The following ASAH1 variants were observed in gnomAD, a reference collection of about 807,000 sequenced individuals.
The protein encoded by ASAH1 is N-acylsphingosine amidohydrolase 1.
In ASAH1, 70 loss-of-function variants were observed where a neutral mutation model predicts 59.5. The observed-to-expected ratio is 1.18, with a 90% CI of 0.97 to 1.43. The LOEUF is 1.43. ASAH1 is among the 40% of genes most tolerant of loss of function. The pLI is 0.00. For synonymous variants in ASAH1, 213 were observed against 166.5 expected (o/e 1.28, Z -2.15); for missense variants, 660 against 482.5 (o/e 1.37, Z -3.45).
Position 18,058,991 on chromosome 8 carries a change from C to T in ASAH1, c.1042-100G>A, listed in dbSNP as rs1045612609. On this transcript the variant is annotated intron_variant, in intron 12 of 13. Coordinates refer to ENST00000637790, the MANE Select transcript of ASAH1 (RefSeq NM_177924.5). ...ACCAGAAACCAAGACATTCTTTAAT[C>T]AACCTCCCCTCCATCCCCGCAGTGG... 10 of 1,071,170 alleles carry T rather than the reference C, an allele frequency of 9.3e-6. No individual in the cohort carries two copies. The African/African-American group carries it at 1.4e-4, about 15-fold the overall frequency. The allele number at this position is 1,071,170 out of a possible 1,614,324, so 66.4% of individuals were successfully genotyped here.
chr8:18,069,238 G>A (rs763255126), intron 4 of ASAH1, among the ~76,000 whole-genome samples: 4 of 152,018 alleles, frequency 2.6e-5, no homozygotes, highest in Non-Finnish European at 4.4e-5. Flanking sequence ...CAGTTCTAGG[G>A]GCCAGGCCCT....
upstream of ASAH1, chr8:18,084,118 G>A: frequency 6.3e-7 from 1 of 1,586,774 alleles, no homozygotes; most frequent in Non-Finnish European, 8.5e-7. Flanking sequence ...AGCCGGCTGG[G>A]CCGGGGGCAG....
intron 7 of ASAH1, chr8:18,062,636 G>A: frequency 3.5e-6 from 2 of 574,740 alleles, no homozygotes; most frequent in East Asian, 3.1e-5. Flanking sequence ...ATATCACACA[G>A]CTTATAAATA....
chr8:18,078,400 C>T (rs561656105), intron 1 of ASAH1, among the ~76,000 whole-genome samples: 6 of 152,178 alleles, frequency 3.9e-5, no homozygotes, highest in Middle Eastern at 3.4e-3. Flanking sequence ...AATAAACAAA[C>T]GTGAAATTGG....
chr8:18,081,937 A>T lies in ASAH1; in HGVS notation c.78+2044T>A, dbSNP rs937745451. Among the ~76,000 whole-genome samples the T allele has an allele frequency of 1.3e-4, 20 of 152,318 alleles. No individual in the cohort carries two copies. The East Asian group carries it at 3.9e-3, about 29-fold the overall frequency. The stretch of plus-strand genomic sequence containing the variant: ...AAAATTAATGAGGCCTTGGCACAGG[A>T]GGGTCCAAATTTTTATTCTGCCAAA... On this transcript the variant is annotated intron_variant, in intron 1 of 13. Coordinates refer to ENST00000637790, the MANE Select transcript of ASAH1 (RefSeq NM_177924.5).
At chr8:18,068,926 C>G (rs1216672004) in intron 4 of ASAH1, among the ~76,000 whole-genome samples, 2 of 152,082 alleles carry the variant, frequency 1.3e-5, no homozygotes, top group Non-Finnish European at 2.9e-5. Context: ...ATCGCCTGAG[C>G]CCAGGAGTTG....
upstream of ASAH1, chr8:18,084,567 G>C: frequency 6.5e-7 from 1 of 1,544,062 alleles, no homozygotes; most frequent in African/African-American, 1.4e-5. Context: ...CCCGAAATGA[G>C]TTGAGTTATT....
chr8:18,066,912 G>C (rs948001713), intron 5 of ASAH1: 2 of 356,402 alleles, frequency 5.6e-6, no homozygotes, highest in African/African-American at 4.1e-5. Flanking sequence ...TTTATACAAA[G>C]TTCACGAAGA....
At chr8:18,082,976 T>C (rs1800719115) in intron 1 of ASAH1, 1 of 152,352 alleles carries the variant, frequency 6.6e-6, no homozygotes. Flanking sequence ...AAAAACTGTA[T>C]ATACTATTCT....
intron 1 of ASAH1, among the ~76,000 whole-genome samples, chr8:18,078,415 G>C (rs1300733744): frequency 1.3e-5 from 2 of 152,180 alleles, no homozygotes; most frequent in Non-Finnish European, 2.9e-5. Context: ...AATTGGCATA[G>C]AACCTGGCTG....
Position 18,074,492 on chromosome 8 carries a change from G to A in ASAH1, c.125+1049C>T, listed in dbSNP as rs1029534563. ...ACGTAAGTAATTTGGAATGTTGCAC[G>A]AACTGAAAATGTCATCTTGATATCA... On this transcript the variant is annotated intron_variant, in intron 2 of 13. Transcript: ENST00000637790. 3.9e-5 allele frequency among the ~76,000 whole-genome samples: 6 copies of A among 152,244 alleles called. No individual in the cohort carries two copies. The East Asian group carries it at 1.2e-3, about 29-fold the overall frequency.
chr8:18,083,418 G>A (rs1800744368), intron 1 of ASAH1: 1 of 156,194 alleles, frequency 6.4e-6, no homozygotes, highest in Non-Finnish European at 1.4e-5. Context: ...TGACTTGCTC[G>A]TGGGAAAGAG....
chr8:18,084,757 G>C (rs752360888), upstream of ASAH1: 3 of 1,613,766 alleles, frequency 1.9e-6, no homozygotes. Flanking sequence ...AGGAGGCCCG[G>C]TGGGACCCGC....
At position 18,059,393 on chromosome 8, in the gene ASAH1, AG is replaced by A; in HGVS notation, c.988del (p.Asp331MetfsTer11). On this transcript the variant is annotated frameshift_variant, in exon 12 of 14. Transcript: ENST00000637790. LOFTEE classifies it high-confidence loss of function. Reference protein sequence around the residue: ...NYDRWKHPFFLDDRRTPAKMC... With the variant: ...NYDRWKHPFFXDDRRTPAKMC... The stretch of plus-strand genomic sequence containing the variant: ...CTTTGCAGGCGTTCTGCGATCATCA[AG>A]GAAGAAGGGATGTTTCCAACGGTCA... 6.2e-7 allele frequency: 1 copy of A among 1,614,226 alleles called. No individual in the cohort carries two copies. The highest frequency in any genetic ancestry group is 1.1e-5 in the South Asian group (1 of 91,082).
chr8:18,059,365 C>A lies in ASAH1; in HGVS notation c.1017G>T (p.Met339Ile). The change falls in exon 12 of 14, where the codon ATG (methionine) becomes ATT (isoleucine). Residue 339 changes from methionine (M) to isoleucine (I), a missense_variant. Transcript: ENST00000637790. ...CCTCTTGGCTGGTGCGGTTCAGACA[C>A]ATCTTTGCAGGCGTTCTGCGATCAT... ...FLDDRRTPAK[M>I]CLNRTSQENI... 6.2e-7 allele frequency: 1 copy of A among 1,614,220 alleles called. No homozygotes were observed. The highest frequency in any genetic ancestry group is 8.5e-7 in the Non-Finnish European group (1 of 1,180,040).
chr8:18,061,902 T>C (rs1227875688), intron 8 of ASAH1, 162 bp from the exon 9 acceptor site: 4 of 750,452 alleles, frequency 5.3e-6, no homozygotes, highest in Middle Eastern at 4.7e-4. Context: ...GTTCAAAGCA[T>C]TTTTGATTCT....
chr8:18,062,268 A>G lies in ASAH1; in HGVS notation c.648+11T>C, dbSNP rs1462200971. The G allele has an allele frequency of 2.5e-6, 4 of 1,614,174 alleles. No homozygotes were observed. The highest frequency in any genetic ancestry group is 8.5e-7 in the Non-Finnish European group (1 of 1,180,016). On this transcript the variant is annotated intron_variant, in intron 8 of 13. Transcript: ENST00000637790. ...GCTACCTGTATAATTATGTAACAAC[A>G]GACTCCTTACTGGTTTGAATCCTGT... is the stretch of plus-strand genomic sequence containing the variant.
At chr8:18,067,099 GTGCACCTGTGC>G in intron 5 of ASAH1, 110 bp downstream of exon 5, 3 of 113,664 alleles carry the variant, frequency 2.6e-5, no homozygotes, top group Non-Finnish European at 9.4e-5. Flanking sequence ...TCTAAGACCT[GTGCACCTGTGC>G]TGTATATCTA....
chr8:18,068,934 T>C (rs1800044556), intron 4 of ASAH1, among the ~76,000 whole-genome samples: 1 of 151,220 alleles, frequency 6.6e-6, no homozygotes, highest in Non-Finnish European at 1.5e-5. Flanking sequence ...AGCCCAGGAG[T>C]TGGGAGACCA....
Sources: gnomAD v4.1 joint callset for allele counts (sites outside exome capture counted in the v4.1 genomes callset) on GRCh38, gnomAD v4.1.1 for gene constraint, MANE v1.5 for transcripts, NCBI Gene and HGNC (gene_info 2026-07-23, HGNC 2026-07-21) for gene names.